Variants in TMOD1 observed in about 807,000 individuals in gnomAD.
TMOD1 encodes tropomodulin-1.
Under a neutral mutation model 40.6 loss-of-function variants are expected in TMOD1, and 17 were observed. The ratio of observed to expected loss-of-function variants is 0.42; its 90% CI spans 0.29 to 0.63. The LOEUF (loss-of-function observed/expected upper bound fraction) is 0.63. TMOD1 is among the 20% of genes least tolerant of loss of function. The probability of loss-of-function intolerance (pLI) is 0.22; values close to 1 mark genes in which losing one functional copy is unlikely to be tolerated. For missense variants in TMOD1, 391 were observed against 447.6 expected (o/e 0.87, Z 1.14); for synonymous variants, 181 against 175.0 (o/e 1.03, Z -0.27).
chr9:97,586,239 T>C (rs1294284214), intron 8 of TMOD1, among the ~76,000 whole-genome samples: 2 of 152,246 alleles, frequency 1.3e-5, no homozygotes, highest in East Asian at 1.9e-4. Context: ...GACCCTCAGC[T>C]GCAGGTCTGT....
chr9:97,570,841 C>T (rs1246802245), intron 8 of TMOD1, among the ~76,000 whole-genome samples: 1 of 152,220 alleles, frequency 6.6e-6, no homozygotes, highest in Non-Finnish European at 1.5e-5. Flanking sequence ...CTGTGTGCCT[C>T]AGTATGGGGC....
At chr9:97,543,956 GC>G (rs1830315312) in intron 2 of TMOD1, among the ~76,000 whole-genome samples, 1 of 152,084 alleles carries the variant, frequency 6.6e-6, no homozygotes. Flanking sequence ...TGTTCCTGAT[GC>G]CCCCCACCCC....
chr9:97,546,583 T>C (rs1830363334), intron 3 of TMOD1, among the ~76,000 whole-genome samples: 1 of 152,150 alleles, frequency 6.6e-6, no homozygotes, highest in Admixed American at 6.5e-5. Context: ...GCAAAACTTT[T>C]CCCTAAACCC....
chr9:97,527,451 T>C lies in TMOD1; in HGVS notation c.120+3143T>C, dbSNP rs374689626. On this transcript the variant is annotated intron_variant, in intron 2 of 9. Coordinates refer to ENST00000259365, the MANE Select transcript of TMOD1 (RefSeq NM_003275.4). ...GCTGTGCCAGGAGATTAACTCTTACTGGTGCAAGGCATCACAGAGCAGGTG... is the reference window on the plus strand; with the variant it reads ...GCTGTGCCAGGAGATTAACTCTTACCGGTGCAAGGCATCACAGAGCAGGTG... Among the ~76,000 whole-genome samples the C allele has an allele frequency of 5.9e-5, 9 of 152,328 alleles. No individual in the cohort carries two copies. The East Asian group carries it at 1.7e-3, about 29-fold the overall frequency.
chr9:97,537,813 G>C (rs1830207750), intron 2 of TMOD1, among the ~76,000 whole-genome samples: 1 of 152,190 alleles, frequency 6.6e-6, no homozygotes, highest in African/African-American at 2.4e-5. Flanking sequence ...CCCAACACCT[G>C]ATATGGTCAG....
At chr9:97,528,877 A>T (rs1336558590) in intron 2 of TMOD1, among the ~76,000 whole-genome samples, 1 of 152,236 alleles carries the variant, frequency 6.6e-6, no homozygotes, top group Non-Finnish European at 1.5e-5. Flanking sequence ...TTTTTGTTTA[A>T]TGAGTGCTTA....
intron 4 of TMOD1, among the ~76,000 whole-genome samples, chr9:97,554,320 C>T (rs760225701): frequency 1.1e-4 from 17 of 151,884 alleles, no homozygotes; most frequent in Non-Finnish European, 2.9e-5. Context: ...GGTGTCGGTG[C>T]CATTAGTGAT....
intron 1 of TMOD1, among the ~76,000 whole-genome samples, chr9:97,511,725 C>T (rs1416193903): frequency 6.6e-6 from 1 of 152,170 alleles, no homozygotes; most frequent in African/African-American, 2.4e-5. Context: ...GCTGGGACTA[C>T]AGGAGTGCGC....
chr9:97,531,101 G>A (rs1378303408), intron 2 of TMOD1, among the ~76,000 whole-genome samples: 1 of 143,122 alleles, frequency 7.0e-6, no homozygotes, highest in Non-Finnish European at 1.5e-5. Context: ...ACTGCACCTG[G>A]CCTCTGCTAA....
intron 8 of TMOD1, among the ~76,000 whole-genome samples, chr9:97,576,261 C>G (rs767280176): frequency 1.3e-5 from 2 of 152,064 alleles, no homozygotes; most frequent in African/African-American, 4.8e-5. Flanking sequence ...GTCAACATAG[C>G]AAGACCCCAT....
At chr9:97,529,192 C>G (rs537476418) in intron 2 of TMOD1, among the ~76,000 whole-genome samples, 1 of 152,180 alleles carries the variant, frequency 6.6e-6, no homozygotes, top group Non-Finnish European at 1.5e-5. Flanking sequence ...AAAATAATCC[C>G]TCTTTTTTCT....
chr9:97,529,579 G>A (rs1830068934), intron 2 of TMOD1, among the ~76,000 whole-genome samples: 1 of 151,718 alleles, frequency 6.6e-6, no homozygotes, highest in Non-Finnish European at 1.5e-5. Flanking sequence ...TCTCTCTCTG[G>A]AAAAACTCGA....
At position 97,581,921 on chromosome 9, in the gene TMOD1, G is replaced by A. The variant is rs1280506402; in HGVS notation, c.871-9370G>A. Among the ~76,000 whole-genome samples the A allele has an allele frequency of 5.2e-4, 77 of 148,190 alleles. 1 individual carries two copies. Among genetic ancestry groups the A allele is most frequent in the African/African-American group, 6.4e-4 (26 of 40,364 alleles). On this transcript the variant is annotated intron_variant, in intron 8 of 9. Transcript: ENST00000259365. ...GCCCTTTGTCAGATGAGTAGGTTGCGAAAATTTTCTCCCATTTTGTAGGTT... is the reference window on the plus strand; with the variant it reads ...GCCCTTTGTCAGATGAGTAGGTTGCAAAAATTTTCTCCCATTTTGTAGGTT...
At chr9:97,527,050 G>T (rs1466402066) in intron 2 of TMOD1, among the ~76,000 whole-genome samples, 1 of 152,064 alleles carries the variant, frequency 6.6e-6, no homozygotes, top group Non-Finnish European at 1.5e-5. Flanking sequence ...GGCTGCTCAA[G>T]TTGATCAAAA....
chr9:97,599,451 A>G lies in TMOD1; in HGVS notation c.1016-183A>G, dbSNP rs61419337. On this transcript the variant is annotated intron_variant, in intron 9 of 9. Transcript: ENST00000259365. ...TCTCCACTACCACAGACCCTCATCA[A>G]TGAACACTGACAGACTGGAGGGCTG... 5.3e-3 allele frequency among the ~76,000 whole-genome samples: 804 copies of G among 152,068 alleles called. 4 individuals are homozygous for G. Among genetic ancestry groups the G allele is most frequent in the African/African-American group, 0.019 (766 of 41,348 alleles).
At chr9:97,532,996 C>A (rs578148058) in intron 2 of TMOD1, among the ~76,000 whole-genome samples, 7 of 152,182 alleles carry the variant, frequency 4.6e-5, no homozygotes, top group Admixed American at 3.9e-4. Context: ...TTGTCTAAAG[C>A]GCCCAGCATT....
At position 97,568,932 on chromosome 9, in the gene TMOD1, G is replaced by A; in HGVS notation, c.765G>A (p.Lys255=). 1 of 1,614,216 alleles carries A rather than the reference G, an allele frequency of 6.2e-7. No individual in the cohort carries two copies. ...AEMLKENKVL[K]TLNVESNFIS... is the part of the protein sequence containing the mutation. ...TGCTCAAGGAGAACAAGGTGTTGAA[G>A]ACACTGAATGTGGAATCCAACTTCA... The change falls in exon 8 of 10, where the codon AAG becomes AAA. Residue 255 remains lysine, a synonymous_variant. Transcript: ENST00000259365.
rs151232202 is a variant in TMOD1, at chr9:97,591,847, G to T, written c.1015+412G>T. 5.3e-4 allele frequency among the ~76,000 whole-genome samples: 81 copies of T among 152,110 alleles called. 2 individuals carry two copies. Among genetic ancestry groups the T allele is most frequent in the African/African-American group, 1.8e-3 (74 of 41,496 alleles). On this transcript the variant is annotated intron_variant, in intron 9 of 9. Coordinates refer to ENST00000259365, the MANE Select transcript of TMOD1 (RefSeq NM_003275.4). ...CAAATCCCAAAACTACCTTCCAATAGGACTACCAAAATCTGAGCCTAGGAG... is the reference window on the plus strand; with the variant it reads ...CAAATCCCAAAACTACCTTCCAATATGACTACCAAAATCTGAGCCTAGGAG...
chr9:97,574,459 C>T (rs1830884811), intron 8 of TMOD1, among the ~76,000 whole-genome samples: 1 of 152,218 alleles, frequency 6.6e-6, no homozygotes. Context: ...GAGCTTCCCC[C>T]ACGCCGTGGT....
Sources: gnomAD v4.1 joint callset for allele counts (sites outside exome capture counted in the v4.1 genomes callset) on GRCh38, gnomAD v4.1.1 for gene constraint, MANE v1.5 for transcripts, NCBI Gene and HGNC (gene_info 2026-07-23, HGNC 2026-07-21) for gene names.